Variants in RIMS2 observed in about 807,000 individuals in gnomAD.
RIMS2 encodes the protein regulating synaptic membrane exocytosis 2, also known as regulating synaptic membrane exocytosis protein 2.
RIMS2 carries 59 observed loss-of-function variants against 174.4 expected under a neutral mutation model. The observed-to-expected ratio is 0.34, with a 90% confidence interval of 0.27 to 0.42. RIMS2 has a LOEUF of 0.42. Ranked by LOEUF, RIMS2 falls within the 10% of genes least tolerant of loss-of-function variation. The pLI is 1.00. For missense variants in RIMS2, 1,620 were observed against 1,666.3 expected (o/e 0.97, Z 0.48); for synonymous variants, 606 against 572.5 (o/e 1.06, Z -0.84).
intron 12 of RIMS2, among the ~76,000 whole-genome samples, chr8:103,933,658 T>G (rs965742485): frequency 6.6e-6 from 1 of 152,198 alleles, no homozygotes; most frequent in Non-Finnish European, 1.5e-5. Context: ...ATCAGGAATT[T>G]GAAGATTCTT....
chr8:103,576,519 T>C (rs2093251622), intron 1 of RIMS2, among the ~76,000 whole-genome samples: 1 of 152,168 alleles, frequency 6.6e-6, no homozygotes, highest in Admixed American at 6.5e-5. Context: ...GAGACAGCCA[T>C]ATGTGAACTC....
At chr8:103,735,471 T>G (rs1485494947) in intron 2 of RIMS2, among the ~76,000 whole-genome samples, 1 of 152,160 alleles carries the variant, frequency 6.6e-6, no homozygotes, top group Non-Finnish European at 1.5e-5. Flanking sequence ...TAATTTTTAA[T>G]ATCTTGTTCT....
chr8:103,712,320 A>C (rs1039356273), intron 2 of RIMS2, among the ~76,000 whole-genome samples: 3 of 151,962 alleles, frequency 2.0e-5, no homozygotes, highest in Non-Finnish European at 4.4e-5. Context: ...CTTAAAACTT[A>C]AATGTTAATT....
chr8:103,695,124 T>C (rs2097083725), intron 1 of RIMS2, among the ~76,000 whole-genome samples: 1 of 152,196 alleles, frequency 6.6e-6, no homozygotes, highest in Admixed American at 6.5e-5. Flanking sequence ...GTGTTGTCTG[T>C]GGTTGGGGAG....
At chr8:103,597,544 T>C (rs2094525049) in intron 1 of RIMS2, among the ~76,000 whole-genome samples, 1 of 152,104 alleles carries the variant, frequency 6.6e-6, no homozygotes, top group Non-Finnish European at 1.5e-5. Context: ...GCCTCTCTGC[T>C]TACTTAATGT....
At chr8:103,780,863 T>C (rs778530848) in intron 3 of RIMS2, among the ~76,000 whole-genome samples, 4 of 152,212 alleles carry the variant, frequency 2.6e-5, no homozygotes, top group Non-Finnish European at 5.9e-5. Context: ...TGGCTTGTTT[T>C]GTTTTTTACT....
At chr8:103,736,213 G>C (rs2097683550) in intron 2 of RIMS2, among the ~76,000 whole-genome samples, 1 of 152,146 alleles carries the variant, frequency 6.6e-6, no homozygotes, top group Non-Finnish European at 1.5e-5. Flanking sequence ...GTCAAAATTT[G>C]AATTCCTTGA....
intron 19 of RIMS2, among the ~76,000 whole-genome samples, chr8:104,087,902 C>T (rs1293767341): frequency 6.6e-6 from 1 of 151,970 alleles, no homozygotes; most frequent in Non-Finnish European, 1.5e-5. Context: ...TCCTTTTGAG[C>T]TCTGCAGCTA....
intron 19 of RIMS2, among the ~76,000 whole-genome samples, chr8:104,046,712 A>G (rs1442250644): frequency 6.6e-6 from 1 of 152,124 alleles, no homozygotes; most frequent in South Asian, 2.1e-4. Context: ...TGATTAACTC[A>G]GTATTATTGA....
chr8:103,646,826 T>G (rs141841427), intron 1 of RIMS2, among the ~76,000 whole-genome samples: 1 of 152,288 alleles, frequency 6.6e-6, no homozygotes, highest in East Asian at 1.9e-4. Flanking sequence ...AGCATTTATT[T>G]TTTTCTCTTG....
intron 4 of RIMS2, among the ~76,000 whole-genome samples, chr8:103,889,018 G>A (rs944633684): frequency 2.0e-5 from 3 of 151,656 alleles, no homozygotes; most frequent in Non-Finnish European, 4.4e-5. Context: ...AGGATAAATT[G>A]TAGCTGTTGA....
chr8:103,953,163 G>C (rs561453334), intron 14 of RIMS2, among the ~76,000 whole-genome samples: 26 of 152,220 alleles, frequency 1.7e-4, no homozygotes, highest in Non-Finnish European at 3.2e-4. Flanking sequence ...ACAGAACCAA[G>C]TTGGAAAACA....
At chr8:103,832,954 G>C (rs1239123861) in intron 3 of RIMS2, among the ~76,000 whole-genome samples, 1 of 152,102 alleles carries the variant, frequency 6.6e-6, no homozygotes, top group Non-Finnish European at 1.5e-5. Context: ...CTTGTTTTAA[G>C]TTTCTGTTCT....
intron 2 of RIMS2, among the ~76,000 whole-genome samples, chr8:103,760,764 G>T (rs909393179): frequency 6.6e-6 from 1 of 152,114 alleles, no homozygotes; most frequent in Non-Finnish European, 1.5e-5. Context: ...TTTGCTTATT[G>T]TCTCCCTAGT....
intron 1 of RIMS2, among the ~76,000 whole-genome samples, chr8:103,610,518 T>G (rs576888316): frequency 6.6e-6 from 1 of 152,326 alleles, no homozygotes; most frequent in South Asian, 2.1e-4. Context: ...AGTGCCTACT[T>G]TATTGCAGGT....
At chr8:103,819,754 A>T (rs2098740304) in intron 3 of RIMS2, 2 of 626,320 alleles carry the variant, frequency 3.2e-6, no homozygotes, top group Non-Finnish European at 5.2e-6. Context: ...TACTGTAAAT[A>T]TAAAATTTTA....
intron 19 of RIMS2, among the ~76,000 whole-genome samples, chr8:104,027,108 A>C (rs2096272516): frequency 6.6e-6 from 1 of 152,158 alleles, no homozygotes; most frequent in African/African-American, 2.4e-5. Context: ...TGGTGACAGC[A>C]AGCAAGATGG....
intron 19 of RIMS2, among the ~76,000 whole-genome samples, chr8:104,058,801 C>T (rs1597942895): frequency 6.6e-6 from 1 of 152,200 alleles, no homozygotes; most frequent in African/African-American, 2.4e-5. Flanking sequence ...AGCCAATTTT[C>T]CCAGCACCAT....
rs1391661764 is a variant in RIMS2 at position 104,191,403 on chromosome 8, GA to G, written c.3335-53512del. On this transcript the variant is annotated intron_variant, in intron 19 of 23. Coordinates refer to ENST00000504942, the Ensembl canonical transcript of RIMS2. ...TAATTCACTAGTTTCATATATATAT[GA>G]GTGTCAGAACTCTGATTTATCAGAT... 2.0e-5 allele frequency among the ~76,000 whole-genome samples: 3 copies of G among 152,042 alleles called. No individual in the cohort carries two copies. The East Asian group carries it at 5.8e-4, about 29-fold the overall frequency.
Sources: gnomAD v4.1 joint callset for allele counts (sites outside exome capture counted in the v4.1 genomes callset) on GRCh38, gnomAD v4.1.1 for gene constraint, MANE v1.5 for transcripts, NCBI Gene and HGNC (gene_info 2026-07-23, HGNC 2026-07-21) for gene names.